CCNH: variants seen among roughly 807,000 people sequenced by gnomAD.
CCNH encodes cyclin-H.
In CCNH, 31 loss-of-function variants were observed where a neutral mutation model predicts 41.9. The observed-to-expected ratio is 0.74, with a 90% CI of 0.56 to 1.00. The LOEUF (loss-of-function observed/expected upper bound fraction) is 1.00. CCNH is among the 50% of genes least tolerant of loss of function. The pLI, the probability that CCNH is intolerant of heterozygous loss-of-function variation, is 0.00. For missense variants in CCNH, 362 were observed against 388.4 expected (o/e 0.93, Z 0.57); for synonymous variants, 138 against 136.1 (o/e 1.01, Z -0.10).
chr5:87,411,877 G>A (rs1764273030), intron 1 of CCNH, among the ~76,000 whole-genome samples: 1 of 152,152 alleles, frequency 6.6e-6, no homozygotes, highest in Non-Finnish European at 1.5e-5. Context: ...AAGGTAGAAA[G>A]TAAAGTAACT....
At chr5:87,408,559 A>G (rs1444167150) in intron 3 of CCNH, among the ~76,000 whole-genome samples, 1 of 152,202 alleles carries the variant, frequency 6.6e-6, no homozygotes, top group African/African-American at 2.4e-5. Flanking sequence ...CCACATATGT[A>G]CCATGTAAGT....
rs1267706462 is a variant in CCNH, at chr5:87,331,627, T to C, written c.*91-12730A>G. 17 of 1,068,108 alleles carry C rather than the reference T, an allele frequency of 1.6e-5. No individual in the cohort carries two copies. In the East Asian group the frequency reaches 4.1e-4, roughly 26 times the overall value. 66.2% of individuals were successfully genotyped at this position (1,068,108 alleles called of 1,614,324 possible). A position where few individuals can be genotyped will look rare whatever the true frequency, so the allele number is the denominator to read the frequency against. On this transcript the variant is annotated intron_variant and NMD_transcript_variant, in intron 9 of 9. Transcript: ENST00000645953. ...AATAGAGAAGGAAGCTTGTTTTCAG[T>C]CAAATGATTTAATCAGTGATTTAGA...
intron 9 of CCNH, among the ~76,000 whole-genome samples, chr5:87,328,218 A>G (rs972356030): frequency 6.6e-6 from 1 of 152,150 alleles, no homozygotes; most frequent in Non-Finnish European, 1.5e-5. Flanking sequence ...AACTTAGATG[A>G]TGAGCTATTG....
At chr5:87,393,878 C>A (rs901233464), downstream of CCNH, 2 of 152,224 alleles carry the variant, frequency 1.3e-5, no homozygotes, top group Non-Finnish European at 2.9e-5. Context: ...TTGATGTAGA[C>A]AGCTATTCAA....
intron 1 of CCNH, 97 bp from the exon 2 acceptor site, chr5:87,411,443 T>TAC: frequency 8.4e-7 from 1 of 1,195,632 alleles, no homozygotes; most frequent in Non-Finnish European, 1.1e-6. Context: ...AGTTTATATA[T>TAC]CCAACGAAGG....
chr5:87,337,778 A>G (rs865924226), intron 9 of CCNH, among the ~76,000 whole-genome samples: 13 of 152,046 alleles, frequency 8.6e-5, no homozygotes, highest in Non-Finnish European at 1.3e-4. Context: ...GGTAATTAAA[A>G]TTCAGATTAT....
chr5:87,331,916 A>AACAG (rs1757628541), intron 9 of CCNH, among the ~76,000 whole-genome samples: 1 of 152,140 alleles, frequency 6.6e-6, no homozygotes, highest in Non-Finnish European at 1.5e-5. Flanking sequence ...ACTTCAGTGA[A>AACAG]ACAGACATAT....
At chr5:87,334,908 G>C (rs569521897) in intron 9 of CCNH, among the ~76,000 whole-genome samples, 1 of 151,768 alleles carries the variant, frequency 6.6e-6, no homozygotes, top group East Asian at 1.9e-4. Context: ...TTTTGAGACA[G>C]AATCTTGCTC....
At chr5:87,374,148 T>TA (rs202147617), downstream of CCNH, 9,575 of 486,472 alleles carry the variant, frequency 0.02, 13 homozygotes, top group East Asian at 0.024. Context: ...TATATATATA[T>TA]TTTTTTTTTT....
At chr5:87,369,719 T>C in intron 9 of CCNH, 1 of 805,246 alleles carries the variant, frequency 1.2e-6, no homozygotes, top group African/African-American at 1.7e-5. Flanking sequence ...TATAATTTTA[T>C]GTTAATTATT....
At chr5:87,316,653 ATC>A (rs546462458), downstream of CCNH, among the ~76,000 whole-genome samples, 2 of 152,252 alleles carry the variant, frequency 1.3e-5, no homozygotes, top group South Asian at 4.2e-4. Context: ...TCCTTCCTGT[ATC>A]TGTTTTTAAT....
intron 9 of CCNH, chr5:87,330,807 G>C: frequency 2.0e-6 from 1 of 489,666 alleles, no homozygotes; most frequent in Non-Finnish European, 3.3e-6. Flanking sequence ...GATTATCTTA[G>C]AGCCAAAGGG....
chr5:87,321,826 C>T (rs949690002), intron 9 of CCNH, among the ~76,000 whole-genome samples: 2 of 152,122 alleles, frequency 1.3e-5, no homozygotes, highest in Non-Finnish European at 2.9e-5. Flanking sequence ...AATGGGAAGA[C>T]CCCCCATAGG....
At chr5:87,402,535 A>C (rs2112564226) in intron 5 of CCNH, among the ~76,000 whole-genome samples, 1 of 152,328 alleles carries the variant, frequency 6.6e-6, no homozygotes, top group South Asian at 2.1e-4. Flanking sequence ...CAAATGCAAA[A>C]AACTTATTTT....
downstream of CCNH, chr5:87,389,355 T>C (rs1355698285): frequency 1.2e-6 from 2 of 1,612,470 alleles, no homozygotes; most frequent in Non-Finnish European, 1.7e-6. Flanking sequence ...AAAAAGAAGA[T>C]TTGTATTTCT....
rs3838241 is a variant in CCNH at position 87,401,786 on chromosome 5, GA to G, written c.690-15del. 1.1e-4 allele frequency: 155 copies of G among 1,474,680 alleles called. No individual in the cohort carries two copies. In the East Asian group the frequency reaches 1.4e-3, roughly 13 times the overall value. The allele number at this position is 1,474,680 out of a possible 1,614,324, so 91.3% of individuals were successfully genotyped here. ...TCTGATAAATAACTAGTAAAGAAAAGAAAAAAAAATCTATTGAAAACATACA... is the reference window on the plus strand; with the variant it reads ...TCTGATAAATAACTAGTAAAGAAAAGAAAAAAAATCTATTGAAAACATACA... On this transcript the variant is annotated splice_polypyrimidine_tract_variant and intron_variant, in intron 5 of 8. Coordinates refer to ENST00000256897, the MANE Select transcript of CCNH (RefSeq NM_001239.4).
intron 9 of CCNH, among the ~76,000 whole-genome samples, chr5:87,323,407 T>C (rs1234356991): frequency 6.6e-6 from 1 of 152,164 alleles, no homozygotes; most frequent in African/African-American, 2.4e-5. Flanking sequence ...TGGAGAACTT[T>C]TGAGGGAGAG....
chr5:87,372,335 C>T (rs1761009239), downstream of CCNH: 7 of 730,550 alleles, frequency 9.6e-6, no homozygotes, highest in South Asian at 8.1e-5. Flanking sequence ...AGCAGGAAAA[C>T]GTTACTTCTT....
chr5:87,376,996 CGTT>C, exon 1 of CCNH: 1 of 1,613,714 alleles, frequency 6.2e-7, no homozygotes, highest in Non-Finnish European at 8.5e-7. Context: ...AAGCTTGAAT[CGTT>C]GTTGTTATGC....
Sources: allele counts gnomAD v4.1 joint callset (sites outside exome capture counted in the v4.1 genomes callset), GRCh38; gene constraint gnomAD v4.1.1; transcripts MANE v1.5; gene names NCBI Gene and HGNC (gene_info 2026-07-23, HGNC 2026-07-21).